The following UBR2 variants were observed in gnomAD, a reference collection of about 807,000 sequenced individuals.
The protein encoded by UBR2 is ubiquitin protein ligase E3 component n-recognin 2, also known as E3 ubiquitin-protein ligase UBR2.
A neutral mutation model predicts 247.9 loss-of-function variants in UBR2; 92 were observed. That is an observed-to-expected ratio of 0.37 (90% CI 0.31 to 0.44). The LOEUF (loss-of-function observed/expected upper bound fraction) is 0.44. Among genes scored for constraint, UBR2 ranks in the 20% least tolerant of loss-of-function variants. The pLI, the probability that UBR2 is intolerant of heterozygous loss-of-function variation, is 1.00. For missense variants in UBR2, 1,613 were observed against 2,112.6 expected (o/e 0.76, Z 4.64); for synonymous variants, 672 against 693.5 (o/e 0.97, Z 0.49).
intron 2 of UBR2, among the ~76,000 whole-genome samples, chr6:42,588,968 G>A (rs547927344): frequency 1.5e-4 from 23 of 152,242 alleles, no homozygotes; most frequent in African/African-American, 5.3e-4. Context: ...TTTTTATTAT[G>A]AATGGGCATT....
chr6:42,617,314 C>T (rs745814706), intron 10 of UBR2, 95 bp from the exon 11 acceptor site: 2 of 1,614,106 alleles, frequency 1.2e-6, no homozygotes, highest in South Asian at 1.1e-5. Context: ...CTCTATCTGT[C>T]CAGTTCTTCA....
At chr6:42,566,678 G>A (rs942784963) in intron 1 of UBR2, among the ~76,000 whole-genome samples, 18 of 151,980 alleles carry the variant, frequency 1.2e-4, no homozygotes, top group Non-Finnish European at 1.6e-4. Flanking sequence ...GTGAGCCACC[G>A]CACACAGCCT....
intron 2 of UBR2, among the ~76,000 whole-genome samples, chr6:42,581,805 A>G (rs962881030): frequency 1.3e-5 from 2 of 152,166 alleles, no homozygotes; most frequent in Non-Finnish European, 2.9e-5. Context: ...TGTTCTGTTG[A>G]TGAACATTCG....
chr6:42,674,015 A>C (rs1486044172), intron 37 of UBR2, 111 bp from the exon 38 acceptor site: 2 of 1,331,760 alleles, frequency 1.5e-6, no homozygotes, highest in African/African-American at 2.9e-5. Context: ...TATAAGCTCT[A>C]GCTTATAAAT....
chr6:42,584,947 T>G (rs1268461326), intron 2 of UBR2, among the ~76,000 whole-genome samples: 1 of 152,158 alleles, frequency 6.6e-6, no homozygotes, highest in Admixed American at 6.5e-5. Flanking sequence ...ATGGAGACAG[T>G]TTTACTTTTT....
chr6:42,589,267 T>C (rs1792503125), intron 2 of UBR2, among the ~76,000 whole-genome samples: 1 of 152,166 alleles, frequency 6.6e-6, no homozygotes, highest in Non-Finnish European at 1.5e-5. Context: ...CTGCACCAAC[T>C]ATCAGATGCT....
chr6:42,683,463 A>T (rs572945760), intron 43 of UBR2, among the ~76,000 whole-genome samples: 53 of 152,348 alleles, frequency 3.5e-4, no homozygotes, highest in African/African-American at 1.2e-3. Flanking sequence ...ATGAGGCTCC[A>T]CATACTTGTC....
At position 42,567,579 on chromosome 6, in the gene UBR2, A is replaced by G. The variant is rs141428175; in HGVS notation, c.78+3182A>G. ...CCCTGTCTCTACTAAAAATACAAAA[A>G]TTAACCGGGCATGGTGGTGCACCCC... On this transcript the variant is annotated intron_variant, in intron 1 of 46. Transcript: ENST00000372901. Among the ~76,000 whole-genome samples the G allele has an allele frequency of 4.9e-4, 75 of 152,296 alleles. 2 individuals carry two copies. The East Asian group carries it at 8.1e-3, about 16-fold the overall frequency.
At position 42,659,649 on chromosome 6, in the gene UBR2, A is replaced by T. The variant is rs770875251; in HGVS notation, c.3243-7A>T. ...CATTAATTATATTCATAACCTTTGT[A>T]TTGCAGCCCTGTGGCTTCAGATATG... On this transcript the variant is annotated splice_region_variant and splice_polypyrimidine_tract_variant and intron_variant, in intron 29 of 46. Transcript: ENST00000372901. This position sits in a 1 kb window ranked among gnomAD's most constrained non-coding sequence, Gnocchi z 4.3. 6.2e-7 allele frequency: 1 copy of T among 1,612,414 alleles called. No homozygotes were observed. The highest frequency in any genetic ancestry group is 8.5e-7 in the Non-Finnish European group (1 of 1,179,028).
chr6:42,577,271 T>G (rs1791583422), intron 2 of UBR2, among the ~76,000 whole-genome samples: 1 of 152,164 alleles, frequency 6.6e-6, no homozygotes, highest in Non-Finnish European at 1.5e-5. Flanking sequence ...GTTTCTTTAA[T>G]GAGAAAGAAT....
intron 5 of UBR2, among the ~76,000 whole-genome samples, chr6:42,604,796 G>A (rs1479884548): frequency 6.6e-6 from 1 of 152,140 alleles, no homozygotes; most frequent in East Asian, 1.9e-4. Flanking sequence ...GGAGGCCAAG[G>A]CAGGTAGATC....
intron 7 of UBR2, among the ~76,000 whole-genome samples, chr6:42,611,683 A>G (rs375550603): frequency 2.0e-5 from 3 of 152,040 alleles, no homozygotes; most frequent in African/African-American, 7.2e-5. Context: ...AGGCAGGTGG[A>G]TCACTTGAGG....
chr6:42,576,559 T>G (rs1369005660), intron 2 of UBR2, among the ~76,000 whole-genome samples: 2 of 133,914 alleles, frequency 1.5e-5, no homozygotes, highest in African/African-American at 5.7e-5. Flanking sequence ...AGATGGAGTC[T>G]CACCCCGTAG....
chr6:42,616,077 T>A lies in UBR2; in HGVS notation c.1169T>A (p.Val390Asp), dbSNP rs1298868441. Reference sequence around the variant, plus strand: ...TTGAAATACAAGAAACTATTTGCTGTTCGATTTGCAAAAGTAAGTGGCTTT... The same window carrying A: ...TTGAAATACAAGAAACTATTTGCTGATCGATTTGCAAAAGTAAGTGGCTTT... Reference protein sequence around the residue: ...MDLKYKKLFAVRFAKNYERLQ... With the variant: ...MDLKYKKLFADRFAKNYERLQ... Residue 390 changes from valine (V) to aspartate (D), a missense_variant, in exon 10 of 47, where the codon GTT becomes GAT. Coordinates refer to ENST00000372901, the MANE Select transcript of UBR2 (RefSeq NM_001363705.2). 6.2e-7 allele frequency: 1 copy of A among 1,606,262 alleles called. No homozygotes were observed. The highest frequency in any genetic ancestry group is 8.5e-7 in the Non-Finnish European group (1 of 1,178,162).
chr6:42,647,127 A>G (rs1230338950), intron 21 of UBR2, among the ~76,000 whole-genome samples: 2 of 152,058 alleles, frequency 1.3e-5, no homozygotes, highest in African/African-American at 4.8e-5. Context: ...TGGCCGAATG[A>G]TGAATAATTC....
chr6:42,605,700 C>G (rs1793654870), intron 5 of UBR2, 21 bp from the exon 6 acceptor site: 3 of 1,586,524 alleles, frequency 1.9e-6, no homozygotes, highest in African/African-American at 2.7e-5. Context: ...GATAATATAT[C>G]ATGAATATTT....
intron 15 of UBR2, among the ~76,000 whole-genome samples, chr6:42,637,720 A>G (rs1343232549): frequency 2.0e-5 from 3 of 152,180 alleles, no homozygotes; most frequent in Non-Finnish European, 2.9e-5. Context: ...TGGGGTGATA[A>G]TCTTTTAATT....
rs866093119 is a variant in UBR2 at position 42,682,938 on chromosome 6, A to G, written c.4719-117A>G. 68 of 800,958 alleles carry G rather than the reference A, an allele frequency of 8.5e-5. No individual in the cohort carries two copies. The Middle Eastern group carries it at 2.2e-3, about 26-fold the overall frequency. 49.6% of individuals were successfully genotyped at this position (800,958 alleles called of 1,614,324 possible). On this transcript the variant is annotated intron_variant, in intron 42 of 46. Transcript: ENST00000372901. ...TATTTCTACAGGTTTCTTTTGATGA[A>G]GTAAATATGTTAGGTCAAGAATATT...
chr6:42,667,957 C>T (rs145656538), intron 34 of UBR2, among the ~76,000 whole-genome samples: 1,860 of 151,834 alleles, frequency 0.012, 23 homozygotes, highest in Middle Eastern at 0.034. Flanking sequence ...TGGGGTTTCT[C>T]CATGTTGCCC....
Sources: gnomAD v4.1 joint callset for allele counts (sites outside exome capture counted in the v4.1 genomes callset) on GRCh38, gnomAD v4.1.1 for gene constraint, Gnocchi (gnomAD v3.1) non-coding constraint, MANE v1.5 for transcripts, NCBI Gene and HGNC (gene_info 2026-07-23, HGNC 2026-07-21) for gene names.